LIPG: variants seen among roughly 807,000 people sequenced by gnomAD.
LIPG encodes endothelial lipase.
A neutral mutation model predicts 51.8 loss-of-function variants in LIPG; 34 were observed. That is an observed-to-expected ratio of 0.66 (90% CI 0.50 to 0.87). The LOEUF (loss-of-function observed/expected upper bound fraction) is 0.87. Ranked by LOEUF, LIPG falls within the 40% of genes least tolerant of loss-of-function variation. The pLI is 0.00. For missense variants in LIPG, 580 were observed against 652.7 expected, an observed-to-expected ratio of 0.89 and a Z score of 1.21; for synonymous variants, 246 against 246.1, an observed-to-expected ratio of 1.00 and a Z score of 0.00.
chr18:49,590,433 T>C lies in LIPG; in HGVS notation c.1482-68T>C. 4 of 1,537,658 alleles carry C rather than the reference T, an allele frequency of 2.6e-6. No homozygotes were observed. The East Asian group carries it at 9.4e-5, about 36-fold the overall frequency. On this transcript the variant is annotated intron_variant, in intron 9 of 9. Transcript: ENST00000261292. Reference sequence around the variant, plus strand: ...GCCTTAAGGTCAAAAGAGCACACCCTGAATACAGGTTTGCGCGTTTGCTGG... The same window carrying C: ...GCCTTAAGGTCAAAAGAGCACACCCCGAATACAGGTTTGCGCGTTTGCTGG...
At chr18:49,581,225 C>T (rs1269814808) in intron 5 of LIPG, among the ~76,000 whole-genome samples, 190 bp from the exon 6 acceptor site, 1 of 152,072 alleles carries the variant, frequency 6.6e-6, no homozygotes, top group Non-Finnish European at 1.5e-5. Context: ...CGTGATTGTC[C>T]CACTGCACTC....
At chr18:49,573,695 G>A (rs1370286496) in intron 4 of LIPG, among the ~76,000 whole-genome samples, 1 of 152,090 alleles carries the variant, frequency 6.6e-6, no homozygotes, top group Non-Finnish European at 1.5e-5. Flanking sequence ...CACTCTAGAC[G>A]GTAGCTCTGC....
intron 9 of LIPG, among the ~76,000 whole-genome samples, chr18:49,587,934 A>T (rs1231416585): frequency 1.3e-5 from 2 of 152,066 alleles, no homozygotes; most frequent in Non-Finnish European, 2.9e-5. Context: ...GACCACAGGC[A>T]CTTGCCACCA....
chr18:49,564,920 T>C (rs1051408905), intron 1 of LIPG, among the ~76,000 whole-genome samples: 1 of 152,242 alleles, frequency 6.6e-6, no homozygotes, highest in African/African-American at 2.4e-5. Flanking sequence ...TGCTCCATGA[T>C]GCCTTTCTAA....
rs1450945337 is a variant in LIPG, at chr18:49,567,537, C to T, written c.375C>T (p.Pro125=). The part of the protein sequence containing the change: ...DANVVVVDWL[P]LAHQLYTDAV... ...ATGTAGTTGTGGTTGACTGGCTCCCCCTGGCCCACCAGCTTTACACGGATG... is the reference window on the plus strand; with the variant it reads ...ATGTAGTTGTGGTTGACTGGCTCCCTCTGGCCCACCAGCTTTACACGGATG... The change falls in exon 3 of 10, where the codon CCC becomes CCT. Residue 125 remains proline, a synonymous_variant. Coordinates refer to ENST00000261292, the MANE Select transcript of LIPG (RefSeq NM_006033.4). 3 of 1,614,008 alleles carry T rather than the reference C, an allele frequency of 1.9e-6. No homozygotes were observed. The highest frequency in any genetic ancestry group is 2.5e-6 in the Non-Finnish European group (3 of 1,180,032).
chr18:49,562,510 TC>T, intron 1 of LIPG, 105 bp downstream of exon 1: 2 of 1,030,890 alleles, frequency 1.9e-6, no homozygotes, highest in Non-Finnish European at 3.0e-6. Flanking sequence ...ATTCTTCCTT[TC>T]CCACTGCGCT....
intron 4 of LIPG, among the ~76,000 whole-genome samples, chr18:49,574,217 T>C (rs1465386630): frequency 3.3e-5 from 5 of 152,214 alleles, no homozygotes; most frequent in Non-Finnish European, 7.3e-5. Context: ...GGCTTGGTAA[T>C]AGTAGCTAAT....
rs762101288 is a variant in LIPG at position 49,582,419 on chromosome 18, A to G, written c.1094A>G (p.Glu365Gly). 2.5e-6 allele frequency: 4 copies of G among 1,614,160 alleles called. No homozygotes were observed. The highest frequency in any genetic ancestry group is 3.4e-6 in the Non-Finnish European group (4 of 1,179,980). Residue 365 changes from glutamate to glycine, a missense_variant, in exon 7 of 10, where the codon GAG (glutamate) becomes GGG (glycine). Coordinates refer to ENST00000261292, the MANE Select transcript of LIPG (RefSeq NM_006033.4). ...AGTTACAAGAACATGGGAGAAATTG[A>G]GCCCACCTTTTACGTCACCCTTTAT... The part of the protein sequence containing the change: ...VFSYKNMGEI[E>G]PTFYVTLYGT...
intron 8 of LIPG, among the ~76,000 whole-genome samples, chr18:49,586,281 A>C (rs865787700): frequency 2.6e-5 from 4 of 152,246 alleles, no homozygotes; most frequent in African/African-American, 9.6e-5. Flanking sequence ...CAACCACAGA[A>C]ATCAGCAAGC....
At chr18:49,581,908 C>T in intron 6 of LIPG, 1 of 600,674 alleles carries the variant, frequency 1.7e-6, no homozygotes, top group Non-Finnish European at 2.9e-6. Context: ...TTCTATCTTG[C>T]ATTTAACTTT....
chr18:49,598,987 A>G lies in LIPG; in HGVS notation c.*8465A>G. 1 of 152,322 alleles carries G rather than the reference A, an allele frequency of 6.6e-6. No individual in the cohort carries two copies. Among genetic ancestry groups the G allele is most frequent in the Non-Finnish European group, 1.5e-5 (1 of 68,036 alleles). 9.4% of individuals were successfully genotyped at this position (152,322 alleles called of 1,614,324 possible). ...CAGTATTCCACTGTATAGATAAATA[A>G]CATTTTGTTTATCCGTTTACTTGTT... is the stretch of plus-strand genomic sequence containing the variant. On this transcript the variant is annotated 3_prime_UTR_variant, in exon 10 of 10. Coordinates refer to ENST00000261292, the MANE Select transcript of LIPG (RefSeq NM_006033.4).
intron 8 of LIPG, among the ~76,000 whole-genome samples, chr18:49,585,179 A>G (rs1459376141): frequency 6.6e-6 from 1 of 152,200 alleles, no homozygotes; most frequent in Non-Finnish European, 1.5e-5. Context: ...CTCCTGACTC[A>G]GCCTTCTGAG....
intron 2 of LIPG, 30 bp downstream of exon 2, chr18:49,565,528 T>C (rs765499601): frequency 6.2e-7 from 1 of 1,612,432 alleles, no homozygotes; most frequent in Non-Finnish European, 8.5e-7. Context: ...TCTGCGGCTT[T>C]ATATAAGATT....
chr18:49,592,728 C>T lies in LIPG; in HGVS notation c.*2206C>T, dbSNP rs890080479. 6.6e-6 allele frequency: 1 copy of T among 152,026 alleles called. No homozygotes were observed. The highest frequency in any genetic ancestry group is 2.1e-4 in the South Asian group (1 of 4,830). 9.4% of individuals were successfully genotyped at this position (152,026 alleles called of 1,614,324 possible). ...TCTCAGTGAGTTGTATATTTATACA[C>T]CTGGCTTGAAGCCTTAATTGTATAT... On this transcript the variant is annotated 3_prime_UTR_variant, in exon 10 of 10. Coordinates refer to ENST00000261292, the MANE Select transcript of LIPG (RefSeq NM_006033.4).
rs2084943583 is a variant in LIPG, at chr18:49,591,506, T to C, written c.*984T>C. ...TATAACTGCTTTGGAGCAAATCTCT[T>C]CTGTTTAGAGAGATAGAAGTTATGA... On this transcript the variant is annotated 3_prime_UTR_variant, in exon 10 of 10. Transcript: ENST00000261292. 2 of 152,234 alleles carry C rather than the reference T, an allele frequency of 1.3e-5. No homozygotes were observed. Among genetic ancestry groups the C allele is most frequent in the African/African-American group, 4.8e-5 (2 of 41,460 alleles). 9.4% of individuals were successfully genotyped at this position (152,234 alleles called of 1,614,324 possible).
chr18:49,581,760 A>G (rs1177367560), intron 6 of LIPG, 103 bp downstream of exon 6: 8 of 1,388,054 alleles, frequency 5.8e-6, no homozygotes, highest in Non-Finnish European at 5.1e-6. Context: ...AGAAGTGGCC[A>G]GCACAATCCA....
At chr18:49,562,559 GTC>G (rs1435831101) in intron 1 of LIPG, among the ~76,000 whole-genome samples, 154 bp downstream of exon 1, 3 of 152,210 alleles carry the variant, frequency 2.0e-5, no homozygotes, top group African/African-American at 7.2e-5. Context: ...GAGTCCACCT[GTC>G]TCTCTGCTGG....
chr18:49,570,835 CA>C (rs2084654074), intron 4 of LIPG, among the ~76,000 whole-genome samples: 1 of 152,070 alleles, frequency 6.6e-6, no homozygotes, highest in African/African-American at 2.4e-5. Context: ...TCTCAAAAAA[CA>C]AAACAAAACT....
At chr18:49,564,972 G>C (rs145801363) in intron 1 of LIPG, among the ~76,000 whole-genome samples, 3 of 152,234 alleles carry the variant, frequency 2.0e-5, no homozygotes, top group Non-Finnish European at 4.4e-5. Context: ...CTGGTCCCAA[G>C]CATTTCAGAA....
Sources: gnomAD v4.1 joint callset for allele counts (sites outside exome capture counted in the v4.1 genomes callset) on GRCh38, gnomAD v4.1.1 for gene constraint, MANE v1.5 for transcripts, NCBI Gene and HGNC (gene_info 2026-07-23, HGNC 2026-07-21) for gene names.